Variants in TGFBR2 observed in about 807,000 individuals in gnomAD.
TGFBR2 encodes the protein transforming growth factor beta receptor 2.
A neutral mutation model predicts 49.0 loss-of-function variants in TGFBR2; 18 were observed. The ratio of observed to expected loss-of-function variants is 0.37; its 90% CI spans 0.25 to 0.54. TGFBR2 has a LOEUF of 0.54. Among genes scored for constraint, TGFBR2 ranks in the 20% least tolerant of loss-of-function variants. The probability of loss-of-function intolerance (pLI) is 0.85; values close to 1 mark genes in which losing one functional copy is unlikely to be tolerated. For missense variants in TGFBR2, 525 were observed against 722.6 expected (o/e 0.73, Z 3.13); for synonymous variants, 282 against 275.9 (o/e 1.02, Z -0.22).
At chr3:30,626,556 A>G (rs1257162529) in intron 1 of TGFBR2, 1 of 152,344 alleles carries the variant, frequency 6.6e-6, no homozygotes, top group African/African-American at 2.4e-5. Flanking sequence ...AACAGAGGGA[A>G]GCCGGCAAGT....
intron 1 of TGFBR2, among the ~76,000 whole-genome samples, chr3:30,616,779 A>G (rs1258816101): frequency 6.6e-6 from 1 of 152,200 alleles, no homozygotes; most frequent in Non-Finnish European, 1.5e-5. Flanking sequence ...GATGACTACT[A>G]TTAAAAAAAG....
At chr3:30,653,688 C>G (rs987746559) in intron 3 of TGFBR2, among the ~76,000 whole-genome samples, 1 of 152,052 alleles carries the variant, frequency 6.6e-6, no homozygotes, top group Non-Finnish European at 1.5e-5. Context: ...TGCAGCTACA[C>G]AATGGATGAT....
intron 2 of TGFBR2, among the ~76,000 whole-genome samples, chr3:30,646,894 C>G (rs1385395607): frequency 4.6e-5 from 7 of 152,164 alleles, no homozygotes; most frequent in Non-Finnish European, 8.8e-5. Context: ...AGAGGCTTTG[C>G]TAGCCTCAAA....
At chr3:30,686,459 A>G (rs1460713427) in intron 5 of TGFBR2, among the ~76,000 whole-genome samples, 1 of 152,156 alleles carries the variant, frequency 6.6e-6, no homozygotes, top group African/African-American at 2.4e-5. Context: ...ATTCCCCTGT[A>G]TTTAAAACTA....
chr3:30,625,303 T>A (rs1698313745), intron 1 of TGFBR2, among the ~76,000 whole-genome samples: 1 of 152,170 alleles, frequency 6.6e-6, no homozygotes, highest in Non-Finnish European at 1.5e-5. Flanking sequence ...TTGTGTAACG[T>A]CTGTTTAGCA....
At chr3:30,635,458 G>T (rs1052094173) in intron 1 of TGFBR2, among the ~76,000 whole-genome samples, 1 of 152,178 alleles carries the variant, frequency 6.6e-6, no homozygotes, top group African/African-American at 2.4e-5. Flanking sequence ...GCATTTTTAG[G>T]ATTTATTTGG....
At chr3:30,631,726 T>G (rs547493406) in intron 1 of TGFBR2, among the ~76,000 whole-genome samples, 1 of 151,548 alleles carries the variant, frequency 6.6e-6, no homozygotes, top group Non-Finnish European at 1.5e-5. Context: ...TCTGAATGTG[T>G]CTTTCTGTCC....
chr3:30,689,617 C>T (rs1699681071), intron 6 of TGFBR2, among the ~76,000 whole-genome samples: 1 of 152,142 alleles, frequency 6.6e-6, no homozygotes, highest in Admixed American at 6.6e-5. Context: ...AGGAGGTTGG[C>T]GAGGGGGAAC....
chr3:30,650,022 G>T (rs1005791709), intron 2 of TGFBR2, among the ~76,000 whole-genome samples: 3 of 152,108 alleles, frequency 2.0e-5, no homozygotes, highest in African/African-American at 4.8e-5. Flanking sequence ...GTCTGCTCCA[G>T]GTGATGTTTA....
At chr3:30,636,159 G>A (rs1028654097) in intron 1 of TGFBR2, among the ~76,000 whole-genome samples, 2 of 74,122 alleles carry the variant, frequency 2.7e-5, no homozygotes, top group East Asian at 8.2e-4. Context: ...ATATGTATGT[G>A]TGTGTGTGTG....
At chr3:30,644,647 G>T in intron 1 of TGFBR2, 100 bp from the exon 2 acceptor site, 2 of 1,133,034 alleles carry the variant, frequency 1.8e-6, no homozygotes. Flanking sequence ...TCATTCTCAT[G>T]ACATCAAGTT....
intron 5 of TGFBR2, among the ~76,000 whole-genome samples, chr3:30,674,532 A>G (rs1699400485): frequency 2.0e-5 from 3 of 152,234 alleles, no homozygotes; most frequent in Admixed American, 2.0e-4. Context: ...ATCTGGCAAG[A>G]GACGAATACT....
intron 2 of TGFBR2, among the ~76,000 whole-genome samples, chr3:30,646,585 G>A (rs1698745849): frequency 6.6e-6 from 1 of 152,168 alleles, no homozygotes; most frequent in Non-Finnish European, 1.5e-5. Context: ...CTTGTGCTCA[G>A]CATAAGTTTA....
In TGFBR2 at chr3:30,691,592, C is replaced by G. The variant is rs979710806; in HGVS notation, c.1697C>G (p.Thr566Ser). 1.9e-6 allele frequency: 3 copies of G among 1,614,066 alleles called. No individual in the cohort carries two copies. The highest frequency in any genetic ancestry group is 2.5e-6 in the Non-Finnish European group (3 of 1,179,986). ...CCTGAAGACGGCTCCCTAAACACTACCAAATAGCTCTTCTGGGGCAGGCTG... is the reference window on the plus strand; with the variant it reads ...CCTGAAGACGGCTCCCTAAACACTAGCAAATAGCTCTTCTGGGGCAGGCTG... ...KIPEDGSLNT[T>S]K The change falls in exon 7 of 7, where the codon ACC becomes AGC. Residue 566 changes from threonine to serine, a missense_variant. Physicochemically the swap from Thr to Ser is moderately conservative, Grantham distance 58 (BLOSUM62 1). Transcript: ENST00000295754.
intron 5 of TGFBR2, among the ~76,000 whole-genome samples, chr3:30,683,196 T>C (rs9836862): frequency 0.024 from 3,674 of 152,334 alleles, 137 homozygotes; most frequent in African/African-American, 0.081. Flanking sequence ...TAATAACTTG[T>C]GCTCTTTTTT....
chr3:30,639,535 A>G (rs1044554855), intron 1 of TGFBR2, among the ~76,000 whole-genome samples: 3 of 152,174 alleles, frequency 2.0e-5, no homozygotes, highest in Non-Finnish European at 4.4e-5. Context: ...CAATACCACT[A>G]TGCTACACCT....
chr3:30,614,811 G>A (rs1354365632), intron 1 of TGFBR2, among the ~76,000 whole-genome samples: 2 of 152,164 alleles, frequency 1.3e-5, no homozygotes, highest in Non-Finnish European at 2.9e-5. Context: ...AGATGGTCTG[G>A]TTTGGGGATC....
rs1177772829 is a variant in TGFBR2 at position 30,644,741 on chromosome 3, C to A, written c.95-6C>A. ...AATCATTTAATATATCTTTCTCTCT[C>A]CTCAGTTAATAACGACATGATAGTC... On this transcript the variant is annotated splice_polypyrimidine_tract_variant and splice_region_variant and intron_variant, in intron 1 of 6. Coordinates refer to ENST00000295754, the MANE Select transcript of TGFBR2 (RefSeq NM_003242.6). 1 of 1,613,846 alleles carries A rather than the reference C, an allele frequency of 6.2e-7. No homozygotes were observed. Among genetic ancestry groups the A allele is most frequent in the Middle Eastern group, 1.6e-4 (1 of 6,062 alleles).
chr3:30,628,509 C>G (rs1490756798), intron 1 of TGFBR2, among the ~76,000 whole-genome samples: 1 of 138,556 alleles, frequency 7.2e-6, no homozygotes, highest in Non-Finnish European at 1.5e-5. Context: ...AAAAAAAAAG[C>G]CTTTGAAAAA....
Sources: allele counts gnomAD v4.1 joint callset (sites outside exome capture counted in the v4.1 genomes callset), GRCh38; gene constraint gnomAD v4.1.1; transcripts MANE v1.5; gene names NCBI Gene and HGNC (gene_info 2026-07-23, HGNC 2026-07-21).